The following NOL4L variants were observed in gnomAD, a reference collection of about 807,000 sequenced individuals.
NOL4L encodes the protein nucleolar protein 4-like.
Under a neutral mutation model 64.5 loss-of-function variants are expected in NOL4L, and 7 were observed. The observed-to-expected ratio is 0.11, with a 90% CI of 0.06 to 0.20. NOL4L has a LOEUF of 0.20. Among genes scored for constraint, NOL4L ranks in the 10% least tolerant of loss-of-function variants. The probability of loss-of-function intolerance (pLI) is 1.00; values close to 1 mark genes in which losing one functional copy is unlikely to be tolerated. For missense variants in NOL4L, 680 were observed against 967.1 expected, an observed-to-expected ratio of 0.70 and a Z score of 3.94; for synonymous variants, 413 against 401.0, an observed-to-expected ratio of 1.03 and a Z score of -0.36.
intron 1 of NOL4L, among the ~76,000 whole-genome samples, chr20:32,538,445 TCCTCCCTC>T (rs1568700407): frequency 6.9e-6 from 1 of 145,684 alleles, no homozygotes; most frequent in Non-Finnish European, 1.5e-5. Flanking sequence ...GGCCATGACC[TCCTCCCTC>T]CCTCCCTCGC....
At chr20:32,483,281 G>A (rs2015863137) in intron 4 of NOL4L, 3 of 857,302 alleles carry the variant, frequency 3.5e-6, no homozygotes. Flanking sequence ...TCAACGGCCG[G>A]CGGCAGCAGC....
At chr20:32,556,182 C>T (rs1373404082) in intron 1 of NOL4L, among the ~76,000 whole-genome samples, 2 of 152,160 alleles carry the variant, frequency 1.3e-5, no homozygotes, top group Admixed American at 6.5e-5. Context: ...TCCTGCCTCC[C>T]TCTGTGTCTC....
At chr20:32,469,089 G>C (rs542150995) in intron 5 of NOL4L, among the ~76,000 whole-genome samples, 2 of 151,802 alleles carry the variant, frequency 1.3e-5, no homozygotes, top group East Asian at 1.9e-4. Flanking sequence ...GGGCTCACAG[G>C]GTCAGGCTGG....
rs116232023 is a variant in NOL4L, at chr20:32,488,688, G to C, written c.700-13946C>G. 5.8e-3 allele frequency among the ~76,000 whole-genome samples: 885 copies of C among 152,236 alleles called. 11 individuals are homozygous for C. The highest frequency in any genetic ancestry group is 0.02 in the African/African-American group (846 of 41,544). ...CTTGGGAATGTAAGTAGATGTTTCT[G>C]TGCACTGTGTTTACGGGGCACTTGT... On this transcript the variant is annotated intron_variant, in intron 4 of 10. Coordinates refer to ENST00000621426, the MANE Select transcript of NOL4L (RefSeq NM_001256798.2).
chr20:32,517,725 G>T (rs888852807), intron 3 of NOL4L, among the ~76,000 whole-genome samples: 2 of 152,214 alleles, frequency 1.3e-5, no homozygotes. Flanking sequence ...GCAGCCTTGT[G>T]TCTGGGCACC....
At chr20:32,543,881 G>A (rs1469044921) in intron 1 of NOL4L, among the ~76,000 whole-genome samples, 1 of 152,160 alleles carries the variant, frequency 6.6e-6, no homozygotes, top group Non-Finnish European at 1.5e-5. Flanking sequence ...TGAGTGATTT[G>A]TGCCTGTGAA....
Position 32,453,429 on chromosome 20 carries a change from C to T in NOL4L, c.1372G>A (p.Glu458Lys), listed in dbSNP as rs2013135240. The change falls in exon 8 of 11, where the codon GAG becomes AAG. Residue 458 changes from glutamate to lysine, a missense_variant. Physicochemically the swap from Glu to Lys is moderately conservative, Grantham distance 56 (BLOSUM62 1). Around this residue, in one of 4 missense-constraint regions of NOL4L, gnomAD observed 70 missense variants for 166.1 expected, o/e 0.42. Transcript: ENST00000621426. This position sits in a 1 kb window ranked among gnomAD's most constrained non-coding sequence, Gnocchi z 5.6. ...GACTCGATGATGGCCTGGATCTTCT[C>T]CTTGGGCTGCTTGGAGATGGGCACC... ...RMVPISKQPK[E>K]KIQAIIESCS... is the part of the protein sequence containing the mutation. 1 of 1,614,008 alleles carries T rather than the reference C, an allele frequency of 6.2e-7. No individual in the cohort carries two copies. The highest frequency in any genetic ancestry group is 1.3e-5 in the African/African-American group (1 of 74,898).
intron 4 of NOL4L, among the ~76,000 whole-genome samples, chr20:32,476,745 G>C (rs1192626771): frequency 6.6e-6 from 1 of 152,268 alleles, no homozygotes; most frequent in African/African-American, 2.4e-5. Flanking sequence ...CCACGAGGGA[G>C]ATGGACAATG....
Position 32,464,913 on chromosome 20 carries a change from T to C in NOL4L, c.842-8518A>G, listed in dbSNP as rs749439613. 3.1e-5 allele frequency: 14 copies of C among 448,664 alleles called. No homozygotes were observed. The highest frequency in any genetic ancestry group is 4.1e-6 in the Non-Finnish European group (1 of 243,782). 27.8% of individuals were successfully genotyped at this position (448,664 alleles called of 1,614,324 possible). A position where few individuals can be genotyped will look rare whatever the true frequency, so the allele number is the denominator to read the frequency against. ...CCTACGGAGCCGCTGAGACGCAGCG[T>C]GTATTGCACACCTGTCTGCACTAGC... On this transcript the variant is annotated intron_variant, in intron 5 of 10. Transcript: ENST00000621426. The surrounding 1 kb of genome is among the most constrained non-coding windows in gnomAD (Gnocchi z 5.6).
At position 32,452,845 on chromosome 20, in the gene NOL4L, C is replaced by T. The variant is rs568363285; in HGVS notation, c.1620+39G>A. 8 of 1,610,362 alleles carry T rather than the reference C, an allele frequency of 5.0e-6. No homozygotes were observed. In the East Asian group the frequency reaches 1.8e-4, roughly 36 times the overall value. ...ATATAAGGCCTGCCCTCCCTGGCTG[C>T]CCAGGAGCGGCCCCTGTAGTGGCTG... On this transcript the variant is annotated intron_variant, in intron 9 of 10. Coordinates refer to ENST00000621426, the MANE Select transcript of NOL4L (RefSeq NM_001256798.2).
rs187628608 is a variant in NOL4L, at chr20:32,544,049, C to T, written c.322-16136G>A. ...GGCTATGCTGAACGTGCTGGAGGGA[C>T]GGATGGGGTGGCGGCTGTATTCACG... is the stretch of plus-strand genomic sequence containing the variant. On this transcript the variant is annotated intron_variant, in intron 1 of 10. Transcript: ENST00000621426. Among the ~76,000 whole-genome samples, 478 of 152,102 alleles carry T rather than the reference C, an allele frequency of 3.1e-3. 3 individuals are homozygous for T. The highest frequency in any genetic ancestry group is 0.011 in the African/African-American group (455 of 41,498).
chr20:32,495,822 T>C (rs1330276793), intron 4 of NOL4L, among the ~76,000 whole-genome samples: 1 of 151,952 alleles, frequency 6.6e-6, no homozygotes, highest in East Asian at 1.9e-4. Flanking sequence ...CTGGGCGCGG[T>C]GTTGAGCACC....
chr20:32,475,035 T>C, intron 4 of NOL4L: 2 of 985,466 alleles, frequency 2.0e-6, no homozygotes, highest in Non-Finnish European at 1.2e-6. Flanking sequence ...GCTCTTACCC[T>C]TGTGAGCCAA....
At chr20:32,531,257 A>G (rs945256557) in intron 1 of NOL4L, among the ~76,000 whole-genome samples, 1 of 152,260 alleles carries the variant, frequency 6.6e-6, no homozygotes, top group African/African-American at 2.4e-5. Context: ...GTGGGAAGGA[A>G]TGGAGAAAGA....
chr20:32,457,503 C>G (rs1310921572), intron 5 of NOL4L, among the ~76,000 whole-genome samples: 1 of 151,300 alleles, frequency 6.6e-6, no homozygotes, highest in Non-Finnish European at 1.5e-5. Flanking sequence ...GATTTAGTCC[C>G]CGGTGCTGGG....
chr20:32,567,888 CCACCATCATCTTCAT>C (rs1229241545), intron 1 of NOL4L, among the ~76,000 whole-genome samples: 2 of 151,728 alleles, frequency 1.3e-5, no homozygotes, highest in Admixed American at 1.3e-4. Flanking sequence ...ACCACCACCA[CCACCATCATCTTCAT>C]CACCATCATT....
chr20:32,456,379 C>A lies in NOL4L; in HGVS notation c.858G>T (p.Glu286Asp). 2 of 1,469,366 alleles carry A rather than the reference C, an allele frequency of 1.4e-6. No individual in the cohort carries two copies. Among genetic ancestry groups the A allele is most frequent in the Non-Finnish European group, 1.8e-6 (2 of 1,106,678 alleles). The allele number at this position is 1,469,366 out of a possible 1,614,324, so 91.0% of individuals were successfully genotyped here. Residue 286 changes from glutamate (E) to aspartate (D), a missense_variant, in exon 6 of 11, where the codon GAG (glutamate) becomes GAT (aspartate). Around this residue, in one of 4 missense-constraint regions of NOL4L, gnomAD observed 254 missense variants for 238.7 expected, o/e 1.06. Transcript: ENST00000621426. ...HSQEDDDSSS[E>D]SGSGNGSSTL... ...TGGAGGAGCCATTGCCGCTGCCACT[C>A]TCAGAGGAGGAGTCATCTGGAATGA...
chr20:32,528,923 A>C (rs2018243526), intron 1 of NOL4L, among the ~76,000 whole-genome samples: 1 of 152,240 alleles, frequency 6.6e-6, no homozygotes, highest in African/African-American at 2.4e-5. Flanking sequence ...TTTCTCTAAA[A>C]GTGCCCAAAA....
intron 4 of NOL4L, among the ~76,000 whole-genome samples, chr20:32,505,891 G>A (rs2017121815): frequency 6.6e-6 from 1 of 152,196 alleles, no homozygotes; most frequent in African/African-American, 2.4e-5. Context: ...GGGGAGGGGA[G>A]GAAGGGGAAT....
Sources: gnomAD v4.1 joint callset for allele counts (sites outside exome capture counted in the v4.1 genomes callset) on GRCh38, gnomAD v4.1.1 for gene constraint, gnomAD v4.1.1 regional missense constraint, Gnocchi (gnomAD v3.1) non-coding constraint, MANE v1.5 for transcripts, NCBI Gene and HGNC (gene_info 2026-07-23, HGNC 2026-07-21) for gene names.